Variants in BET1 observed in about 807,000 individuals in gnomAD.
The protein encoded by BET1 is BET1 homolog.
A neutral mutation model predicts 13.9 loss-of-function variants in BET1; 9 were observed. The ratio of observed to expected loss-of-function variants is 0.65; its 90% CI spans 0.39 to 1.13. The LOEUF is 1.13. Among genes scored for constraint, BET1 ranks in the 50% most tolerant of loss-of-function variants. The pLI is 0.01. For synonymous variants in BET1, 39 were observed against 47.3 expected (o/e 0.82, Z 0.72); for missense variants, 127 against 133.6 (o/e 0.95, Z 0.24).
chr7:93,980,956 GA>G (rs1484130939), intron 4 of BET1, among the ~76,000 whole-genome samples: 5 of 152,128 alleles, frequency 3.3e-5, no homozygotes, highest in Non-Finnish European at 5.9e-5. Context: ...GTGTAATTGG[GA>G]AAGTCGCCAT....
At chr7:93,992,577 G>A (rs972214762), downstream of BET1, 4 of 985,362 alleles carry the variant, frequency 4.1e-6, no homozygotes, top group Non-Finnish European at 4.8e-6. Context: ...TTGAATGAAT[G>A]AGTCACTCTC....
intron 2 of BET1, 34 bp downstream of exon 2, chr7:93,999,136 A>G: frequency 6.8e-7 from 1 of 1,462,396 alleles, no homozygotes; most frequent in South Asian, 1.3e-5. Flanking sequence ...AAATATATGA[A>G]TTAAAACACA....
At chr7:93,992,546 CA>C (rs1795657801), downstream of BET1, 1 of 985,202 alleles carries the variant, frequency 1.0e-6, no homozygotes, top group Non-Finnish European at 1.2e-6. Context: ...ATACTTGACA[CA>C]AAGTACAGTT....
intron 3 of BET1, among the ~76,000 whole-genome samples, chr7:93,995,440 C>A (rs1297657916): frequency 1.3e-5 from 2 of 152,134 alleles, no homozygotes; most frequent in East Asian, 3.9e-4. Flanking sequence ...GGCTCATATA[C>A]TTTAGATCTA....
chr7:93,971,147 G>C (rs967167940), intron 6 of BET1, among the ~76,000 whole-genome samples: 1 of 151,692 alleles, frequency 6.6e-6, no homozygotes, highest in African/African-American at 2.4e-5. Flanking sequence ...AATATATACT[G>C]TATATACTGT....
Position 94,004,305 on chromosome 7 carries a change from C to G in BET1, c.-89G>C. On this transcript the variant is annotated 5_prime_UTR_variant, in exon 1 of 4. Coordinates refer to ENST00000222547, the MANE Select transcript of BET1 (RefSeq NM_005868.6). ...GCGACCCGGACCGCGTCTTCAGTAC[C>G]AGGGCCCAGCGAAACACCAACTTCT... 1.3e-6 allele frequency: 2 copies of G among 1,564,508 alleles called. No individual in the cohort carries two copies. The highest frequency in any genetic ancestry group is 1.7e-4 in the Middle Eastern group (1 of 5,790).
In BET1 at chr7:93,980,248, T is replaced by A. The variant is rs374211092; in HGVS notation, c.236-4148A>T. Reference sequence around the variant, plus strand: ...TCTCAAACTCCCTCAGAAAACTGAATAGGAGGAAGGCTTCCAAATCCATTT... The same window carrying A: ...TCTCAAACTCCCTCAGAAAACTGAAAAGGAGGAAGGCTTCCAAATCCATTT... On this transcript the variant is annotated intron_variant and NMD_transcript_variant, in intron 4 of 6. Transcript: ENST00000357520. 2.8e-4 allele frequency among the ~76,000 whole-genome samples: 42 copies of A among 152,244 alleles called. No individual in the cohort carries two copies. In the South Asian group the frequency reaches 8.7e-3, roughly 32 times the overall value.
chr7:93,983,518 T>C (rs1795466262), intron 4 of BET1, among the ~76,000 whole-genome samples: 2 of 152,274 alleles, frequency 1.3e-5, no homozygotes, highest in South Asian at 2.1e-4. Flanking sequence ...AAGTTTGATA[T>C]ACATTCATGG....
chr7:94,001,206 A>G (rs1473685179), intron 1 of BET1, among the ~76,000 whole-genome samples: 2 of 152,224 alleles, frequency 1.3e-5, no homozygotes, highest in Non-Finnish European at 1.5e-5. Context: ...AGGGAAGAGA[A>G]TAAGTTTGTT....
intron 4 of BET1, among the ~76,000 whole-genome samples, chr7:93,983,963 G>T (rs1795477081): frequency 6.6e-6 from 1 of 152,090 alleles, no homozygotes; most frequent in South Asian, 2.1e-4. Context: ...TGCAATGACT[G>T]ATGTCTTAGT....
chr7:93,963,118 G>C (rs1795118937), exon 7 of BET1: 2 of 152,056 alleles, frequency 1.3e-5, no homozygotes, highest in Admixed American at 6.6e-5. Flanking sequence ...AGTAGTTGTT[G>C]CTAACACAAG....
intron 3 of BET1, 138 bp from the exon 4 acceptor site, chr7:93,994,523 G>T: frequency 1.1e-6 from 1 of 905,088 alleles, no homozygotes; most frequent in Non-Finnish European, 1.6e-6. Context: ...GGAGCCTGTT[G>T]ATAACCTTGG....
At chr7:93,985,040 A>C (rs1182117771) in intron 4 of BET1, among the ~76,000 whole-genome samples, 2 of 152,160 alleles carry the variant, frequency 1.3e-5, no homozygotes, top group Non-Finnish European at 2.9e-5. Context: ...CAGAATTTTT[A>C]ATCAGGCTCA....
intron 4 of BET1, among the ~76,000 whole-genome samples, chr7:93,983,717 T>C (rs930335181): frequency 6.6e-6 from 1 of 152,052 alleles, no homozygotes; most frequent in Non-Finnish European, 1.5e-5. Context: ...CTAATCTGGG[T>C]GCATTATTTA....
chr7:93,994,390 C>T lies in BET1; in HGVS notation c.202-5G>A. ...TGTGGAATCAAATTGTGAATCCTATCAGAGATAAAGGCAAATAAAATATCA... is the reference window on the plus strand; with the variant it reads ...TGTGGAATCAAATTGTGAATCCTATTAGAGATAAAGGCAAATAAAATATCA... On this transcript the variant is annotated splice_polypyrimidine_tract_variant and splice_region_variant and intron_variant, in intron 3 of 3. Transcript: ENST00000222547. 6.2e-7 allele frequency: 1 copy of T among 1,609,872 alleles called. No individual in the cohort carries two copies. The highest frequency in any genetic ancestry group is 1.1e-5 in the South Asian group (1 of 90,084).
chr7:93,999,036 A>T, intron 2 of BET1, 134 bp downstream of exon 2: 1 of 599,588 alleles, frequency 1.7e-6, no homozygotes, highest in Non-Finnish European at 2.5e-6. Flanking sequence ...TTTTGAGTGT[A>T]CTTTGACCTC....
At chr7:93,974,271 C>T (rs967851346) in intron 5 of BET1, among the ~76,000 whole-genome samples, 3 of 151,850 alleles carry the variant, frequency 2.0e-5, no homozygotes, top group Non-Finnish European at 4.4e-5. Flanking sequence ...TATTCTGAAA[C>T]CATGTTCACT....
chr7:93,992,702 A>G (rs966336149), downstream of BET1: 62 of 980,132 alleles, frequency 6.3e-5, no homozygotes, highest in Non-Finnish European at 7.3e-5. Flanking sequence ...TGTTAATGGT[A>G]GTGAGAACCA....
intron 4 of BET1, chr7:93,976,212 A>G: frequency 1.3e-6 from 1 of 776,696 alleles, no homozygotes; most frequent in Non-Finnish European, 1.7e-6. Context: ...AAAACTGAGC[A>G]GGTATTCAGA....
Sources: allele counts gnomAD v4.1 joint callset (sites outside exome capture counted in the v4.1 genomes callset), GRCh38; gene constraint gnomAD v4.1.1; transcripts MANE v1.5; gene names NCBI Gene and HGNC (gene_info 2026-07-23, HGNC 2026-07-21).